TRPM3: variants seen among roughly 807,000 people sequenced by gnomAD.
TRPM3 encodes transient receptor potential cation channel subfamily M member 3, also known as long transient receptor potential channel 3.
Under a neutral mutation model 181.2 loss-of-function variants are expected in TRPM3, and 77 were observed. The ratio of observed to expected loss-of-function variants is 0.42; its 90% CI spans 0.35 to 0.51. The LOEUF is 0.51. TRPM3 is among the 20% of genes least tolerant of loss of function. The pLI, the probability that TRPM3 is intolerant of heterozygous loss-of-function variation, is 0.01. For missense variants in TRPM3, 1,759 were observed against 2,196.7 expected (o/e 0.80, Z 3.98); for synonymous variants, 745 against 796.4 (o/e 0.94, Z 1.09).
chr9:71,305,328 A>G lies in TRPM3; in HGVS notation c.183+141325T>C, dbSNP rs139327495. ...GACAGAGATGGAGGCTGATTTTTAG[A>G]CATTCTAGCAAAAATAAACCTTTCC... On this transcript the variant is annotated intron_variant, in intron 1 of 24. Transcript: ENST00000357533. 3.0e-4 allele frequency among the ~76,000 whole-genome samples: 45 copies of G among 152,318 alleles called. No homozygotes were observed. The East Asian group carries it at 6.6e-3, about 22-fold the overall frequency.
intron 8 of TRPM3, among the ~76,000 whole-genome samples, chr9:70,684,182 T>C (rs890472414): frequency 2.0e-5 from 3 of 152,328 alleles, no homozygotes; most frequent in South Asian, 2.1e-4. Context: ...GATTATCAGG[T>C]TTTCCTAGCA....
intron 1 of TRPM3, among the ~76,000 whole-genome samples, chr9:71,011,956 T>C (rs1036291755): frequency 2.6e-5 from 4 of 151,668 alleles, no homozygotes; most frequent in African/African-American, 4.9e-5. Context: ...AATTTTTTTA[T>C]ATTTTTAGTA....
chr9:70,605,401 A>C (rs993906317), intron 19 of TRPM3, among the ~76,000 whole-genome samples: 1 of 152,080 alleles, frequency 6.6e-6, no homozygotes, highest in Non-Finnish European at 1.5e-5. Context: ...TGAGAGCTGG[A>C]TATCTGGGCT....
intron 9 of TRPM3, among the ~76,000 whole-genome samples, chr9:70,645,762 A>T (rs1468534839): frequency 6.6e-6 from 1 of 152,026 alleles, no homozygotes; most frequent in African/African-American, 2.4e-5. Flanking sequence ...AAATAAAAAA[A>T]ATAAATAAAA....
intron 1 of TRPM3, among the ~76,000 whole-genome samples, chr9:71,117,550 C>G (rs1276482652): frequency 2.6e-5 from 4 of 152,060 alleles, no homozygotes; most frequent in Non-Finnish European, 5.9e-5. Flanking sequence ...TAAATCCAGT[C>G]AAGACCCAAA....
At chr9:71,223,350 T>C (rs535076895) in intron 1 of TRPM3, among the ~76,000 whole-genome samples, 1 of 152,230 alleles carries the variant, frequency 6.6e-6, no homozygotes, top group South Asian at 2.1e-4. Flanking sequence ...CCTGGCAGGA[T>C]CCATCATCTG....
chr9:71,013,487 T>C (rs2097761932), intron 1 of TRPM3, among the ~76,000 whole-genome samples: 1 of 152,012 alleles, frequency 6.6e-6, no homozygotes, highest in South Asian at 2.1e-4. Context: ...ATTTCTATGC[T>C]GTGAAACAAT....
intron 1 of TRPM3, among the ~76,000 whole-genome samples, chr9:71,204,652 T>C (rs2079016359): frequency 6.6e-6 from 1 of 152,218 alleles, no homozygotes; most frequent in South Asian, 2.1e-4. Context: ...GAAGTCAGTG[T>C]GGCAATTCTT....
rs376132352 is a variant in TRPM3 at position 71,335,834 on chromosome 9, C to T, written c.183+110819G>A. Reference sequence around the variant, plus strand: ...ATACTTCAATACTAAATATCTTTAACCCTTTTACAAGTGGGGAGATACGAT... The same window carrying T: ...ATACTTCAATACTAAATATCTTTAATCCTTTTACAAGTGGGGAGATACGAT... On this transcript the variant is annotated intron_variant, in intron 1 of 24. Transcript: ENST00000357533. 3.9e-5 allele frequency among the ~76,000 whole-genome samples: 6 copies of T among 152,156 alleles called. 1 individual carries two copies. The highest frequency in any genetic ancestry group is 6.6e-5 in the Admixed American group (1 of 15,258).
chr9:70,557,723 GCCT>G (rs2048070099), intron 22 of TRPM3, among the ~76,000 whole-genome samples: 1 of 152,170 alleles, frequency 6.6e-6, no homozygotes, highest in Admixed American at 6.5e-5. Flanking sequence ...CTTCCCCTGG[GCCT>G]CCTCCTTCCT....
chr9:70,983,781 GA>G (rs58766785), intron 1 of TRPM3, among the ~76,000 whole-genome samples: 10 of 152,194 alleles, frequency 6.6e-5, no homozygotes, highest in East Asian at 1.9e-4. Context: ...GAAAATGGGG[GA>G]AAAAATAGAG....
chr9:70,598,473 G>A lies in TRPM3; in HGVS notation c.2994C>T (p.Asp998=). 6.2e-7 allele frequency: 1 copy of A among 1,614,190 alleles called. No homozygotes were observed. Among genetic ancestry groups the A allele is most frequent in the Non-Finnish European group, 8.5e-7 (1 of 1,180,036 alleles). ...NIIYWYIRLL[D]IFGVNKYLGP... ...CCAAATACTTGTTCACGCCGAAGAT[G>A]TCTAGGAGACGGATATACCAGTAAA... is the stretch of plus-strand genomic sequence containing the variant. Residue 998 remains aspartate (D), a synonymous_variant, in exon 21 of 26, where the codon GAC becomes GAT. Transcript: ENST00000677713.
At chr9:71,201,270 T>A (rs1001842496) in intron 1 of TRPM3, among the ~76,000 whole-genome samples, 8 of 152,298 alleles carry the variant, frequency 5.3e-5, no homozygotes, top group Middle Eastern at 3.4e-3. Flanking sequence ...CTTCCCTTTG[T>A]GGGTAACCCG....
intron 9 of TRPM3, among the ~76,000 whole-genome samples, chr9:70,680,733 T>C (rs2065201883): frequency 6.6e-6 from 1 of 152,226 alleles, no homozygotes; most frequent in Admixed American, 6.5e-5. Context: ...AGTTCTAGTT[T>C]GAATTTCAGC....
At chr9:71,253,916 G>T (rs2082507911) in intron 1 of TRPM3, among the ~76,000 whole-genome samples, 1 of 152,158 alleles carries the variant, frequency 6.6e-6, no homozygotes, top group South Asian at 2.1e-4. Flanking sequence ...ACATATGAAA[G>T]TGGATAAATT....
At chr9:71,367,959 G>GCATATATATATGCATATATATATGA (rs2092389955) in intron 1 of TRPM3, among the ~76,000 whole-genome samples, 1 of 138,286 alleles carries the variant, frequency 7.2e-6, no homozygotes, top group Admixed American at 7.3e-5. Flanking sequence ...GTGTGTGTGT[G>GCATATATATATGCATATATATATGA]TATATATATA....
At chr9:71,319,863 C>T (rs1049097573) in intron 1 of TRPM3, among the ~76,000 whole-genome samples, 2 of 152,074 alleles carry the variant, frequency 1.3e-5, no homozygotes, top group African/African-American at 4.8e-5. Flanking sequence ...ACAAAAATTA[C>T]TCTGAGCCAT....
At chr9:70,960,187 T>G (rs564075175) in intron 1 of TRPM3, among the ~76,000 whole-genome samples, 65 of 152,060 alleles carry the variant, frequency 4.3e-4, no homozygotes, top group African/African-American at 1.5e-3. Context: ...AAAGTAAGTG[T>G]CTGAATCAAA....
intron 1 of TRPM3, among the ~76,000 whole-genome samples, chr9:70,899,769 C>G (rs75919457): frequency 8.4e-4 from 128 of 152,312 alleles, no homozygotes; most frequent in Non-Finnish European, 1.6e-3. Flanking sequence ...GTGAACAACA[C>G]TGGGTTAGGA....
Sources: allele counts gnomAD v4.1 joint callset (sites outside exome capture counted in the v4.1 genomes callset), GRCh38; gene constraint gnomAD v4.1.1; transcripts MANE v1.5; gene names NCBI Gene and HGNC (gene_info 2026-07-23, HGNC 2026-07-21).